SI: variants seen among roughly 807,000 people sequenced by gnomAD.
SI encodes the protein sucrase-isomaltase.
Under a neutral mutation model 253.3 loss-of-function variants are expected in SI, and 235 were observed. That is an observed-to-expected ratio of 0.93 (90% CI 0.83 to 1.03). SI has a LOEUF of 1.03. Among genes scored for constraint, SI ranks in the 50% least tolerant of loss-of-function variants. SI has a pLI of 0.00. For missense variants in SI, 2,442 were observed against 2,211.1 expected (o/e 1.10, Z -2.09); for synonymous variants, 819 against 712.0 (o/e 1.15, Z -2.39).
intron 34 of SI, among the ~76,000 whole-genome samples, chr3:165,012,067 TA>T (rs1718798689): frequency 6.6e-6 from 1 of 152,176 alleles, no homozygotes. Context: ...CATTTGCATT[TA>T]ATATCTTATT....
At chr3:165,037,326 A>G (rs933345414) in intron 21 of SI, among the ~76,000 whole-genome samples, 1 of 152,022 alleles carries the variant, frequency 6.6e-6, no homozygotes, top group Non-Finnish European at 1.5e-5. Context: ...TGTAAATTCA[A>G]TACGGCACTT....
chr3:165,007,705 C>A (rs894545627), intron 36 of SI, among the ~76,000 whole-genome samples: 5 of 150,608 alleles, frequency 3.3e-5, no homozygotes, highest in Non-Finnish European at 7.4e-5. Context: ...AAGGTGTGGT[C>A]CAGTGTGTGG....
chr3:165,044,912 G>C (rs762517446), intron 16 of SI, among the ~76,000 whole-genome samples: 16 of 151,920 alleles, frequency 1.1e-4, no homozygotes, highest in Non-Finnish European at 2.2e-4. Flanking sequence ...ATCTATCTGG[G>C]ACTGTTTATT....
intron 2 of SI, 41 bp from the exon 3 acceptor site, chr3:165,074,708 A>T: frequency 6.6e-7 from 1 of 1,509,324 alleles, no homozygotes. Context: ...ACATGACATT[A>T]AATTAATTTT....
chr3:165,058,521 A>T (rs1257900228), intron 12 of SI, among the ~76,000 whole-genome samples: 2 of 151,946 alleles, frequency 1.3e-5, no homozygotes, highest in Non-Finnish European at 2.9e-5. Flanking sequence ...AACAAAGTCA[A>T]CTAACCTTTA....
intron 9 of SI, among the ~76,000 whole-genome samples, chr3:165,061,755 C>T (rs1713996086): frequency 6.6e-6 from 1 of 151,804 alleles, no homozygotes; most frequent in African/African-American, 2.4e-5. Context: ...CAGTGTAGGT[C>T]CTGGGTTCCC....
At chr3:164,987,299 C>T in intron 44 of SI, 73 bp from the exon 45 acceptor site, 3 of 1,240,620 alleles carry the variant, frequency 2.4e-6, no homozygotes, top group Non-Finnish European at 2.4e-6. Flanking sequence ...ATGACATCCA[C>T]ATAAGGATCT....
intron 12 of SI, among the ~76,000 whole-genome samples, chr3:165,058,115 G>T (rs1420774219): frequency 1.3e-5 from 2 of 151,406 alleles, no homozygotes; most frequent in Non-Finnish European, 2.9e-5. Context: ...AATAAAATCA[G>T]AAATAAATAA....
chr3:164,993,051 T>C (rs1469756116), intron 41 of SI, among the ~76,000 whole-genome samples: 1 of 151,856 alleles, frequency 6.6e-6, no homozygotes, highest in East Asian at 1.9e-4. Context: ...TCTTTTGTTG[T>C]GGTTTTGTTT....
chr3:165,074,701 T>C, intron 2 of SI, 34 bp from the exon 3 acceptor site: 1 of 1,541,236 alleles, frequency 6.5e-7, no homozygotes, highest in South Asian at 1.1e-5. Context: ...AAATAAAACA[T>C]GACATTAAAT....
chr3:165,032,487 A>G, intron 24 of SI, 35 bp downstream of exon 24: 6 of 1,391,646 alleles, frequency 4.3e-6, no homozygotes, highest in East Asian at 2.3e-5. Flanking sequence ...ATGAGATTAT[A>G]TGATAGCTAA....
chr3:165,049,315 A>G (rs1713310532), intron 14 of SI, 71 bp from the exon 15 acceptor site: 1 of 868,330 alleles, frequency 1.2e-6, no homozygotes, highest in African/African-American at 1.7e-5. Flanking sequence ...TCCATCATAA[A>G]TGTCATATTC....
At chr3:165,056,378 T>TC (rs147892328) in intron 12 of SI, among the ~76,000 whole-genome samples, 3 of 151,486 alleles carry the variant, frequency 2.0e-5, no homozygotes, top group South Asian at 2.1e-4. Context: ...CCAGTGACCA[T>TC]CCCCCCCTGC....
upstream of SI, among the ~76,000 whole-genome samples, chr3:165,079,285 T>C (rs1370048051): frequency 6.6e-6 from 1 of 151,658 alleles, no homozygotes. Context: ...AAAAGAATTA[T>C]ATGAGCTAAT....
upstream of SI, among the ~76,000 whole-genome samples, chr3:165,082,971 A>G (rs1715388205): frequency 6.6e-6 from 1 of 151,938 alleles, no homozygotes; most frequent in South Asian, 2.1e-4. Flanking sequence ...CAGAAGTAAG[A>G]GCAATTCAGT....
chr3:165,063,172 A>T (rs544987579), intron 8 of SI, among the ~76,000 whole-genome samples: 31 of 152,240 alleles, frequency 2.0e-4, no homozygotes, highest in African/African-American at 7.5e-4. Flanking sequence ...GAAAACACCC[A>T]TTGGCATGGA....
At position 164,984,711 on chromosome 3, in the gene SI, TAGG is replaced by T. The variant is rs1343452260; in HGVS notation, c.5198-1663_5198-1661del. On this transcript the variant is annotated intron_variant, in intron 45 of 47. Transcript: ENST00000264382. ...AAATTTACTTAATGTTAACAAGTTT[TAGG>T]AGAAGTTCATTTTGATTTACCTTTA... Among the ~76,000 whole-genome samples, 8 of 152,300 alleles carry T rather than the reference TAGG, an allele frequency of 5.3e-5. No homozygotes were observed. The East Asian group carries it at 1.5e-3, about 29-fold the overall frequency.
At chr3:164,980,455 A>G (rs1249324934) in intron 47 of SI, among the ~76,000 whole-genome samples, 2 of 151,980 alleles carry the variant, frequency 1.3e-5, no homozygotes, top group Admixed American at 6.6e-5. Flanking sequence ...GCAATTAAAT[A>G]ATCTCTTGCA....
intron 13 of SI, among the ~76,000 whole-genome samples, chr3:165,052,954 C>A (rs539033918): frequency 1.3e-4 from 19 of 150,546 alleles, no homozygotes; most frequent in African/African-American, 4.6e-4. Flanking sequence ...TTAAATTATT[C>A]AGTTTTTTCA....
Sources: allele counts gnomAD v4.1 joint callset (sites outside exome capture counted in the v4.1 genomes callset), GRCh38; gene constraint gnomAD v4.1.1; transcripts MANE v1.5; gene names NCBI Gene and HGNC (gene_info 2026-07-23, HGNC 2026-07-21).